RPH3A: variants seen among roughly 807,000 people sequenced by gnomAD.
RPH3A encodes the protein rabphilin 3A, also known as rabphilin-3A.
Under a neutral mutation model 102.2 loss-of-function variants are expected in RPH3A, and 48 were observed. The ratio of observed to expected loss-of-function variants is 0.47; its 90% CI spans 0.37 to 0.60. The LOEUF (loss-of-function observed/expected upper bound fraction) is 0.60, where lower values mean the gene tolerates loss of function less well. RPH3A is among the 20% of genes least tolerant of loss of function. The pLI is 0.00. For synonymous variants in RPH3A, 310 were observed against 324.3 expected (o/e 0.96, Z 0.47); for missense variants, 781 against 910.1 (o/e 0.86, Z 1.83).
chr12:112,612,483 C>T (rs547475913), intron 1 of RPH3A, among the ~76,000 whole-genome samples: 1 of 151,854 alleles, frequency 6.6e-6, no homozygotes, highest in South Asian at 2.1e-4. Context: ...TTTTCTGTCC[C>T]TGGGGTTCCC....
intron 1 of RPH3A, among the ~76,000 whole-genome samples, chr12:112,775,972 A>C (rs2040962957): frequency 6.6e-6 from 1 of 151,746 alleles, no homozygotes; most frequent in South Asian, 2.1e-4. Context: ...ACTGAGTAGA[A>C]GTCAGGGGTG....
Position 112,898,334 on chromosome 12 carries a change from G to A in RPH3A, c.*1554G>A, listed in dbSNP as rs1413717972. ...GTTCGATTTTCCCAATTTTGATGAA[G>A]TCTTCCCTCATGAAAATCACTCCCA... On this transcript the variant is annotated 3_prime_UTR_variant, in exon 22 of 22. Coordinates refer to ENST00000389385, the MANE Select transcript of RPH3A (RefSeq NM_001143854.2). 6.6e-6 allele frequency: 1 copy of A among 152,170 alleles called. No individual in the cohort carries two copies. Among genetic ancestry groups the A allele is most frequent in the East Asian group, 1.9e-4 (1 of 5,200 alleles). 9.4% of individuals were successfully genotyped at this position (152,170 alleles called of 1,614,324 possible). A position where few individuals can be genotyped will look rare whatever the true frequency, so the allele number is the denominator to read the frequency against.
chr12:112,592,157 C>T (rs2039483406), intron 1 of RPH3A, among the ~76,000 whole-genome samples: 1 of 151,978 alleles, frequency 6.6e-6, no homozygotes, highest in African/African-American at 2.4e-5. Flanking sequence ...TGGGTGCATC[C>T]CTTGAGGCCA....
chr12:112,580,272 A>G (rs572204568), intron 1 of RPH3A, among the ~76,000 whole-genome samples: 5 of 150,626 alleles, frequency 3.3e-5, no homozygotes, highest in African/African-American at 9.8e-5. Context: ...CTGTCTTTCT[A>G]TATCTCCCCA....
At chr12:112,840,166 C>T (rs745419436) in intron 4 of RPH3A, among the ~76,000 whole-genome samples, 2 of 151,980 alleles carry the variant, frequency 1.3e-5, no homozygotes, top group African/African-American at 2.4e-5. Flanking sequence ...ATGTTTGTCG[C>T]TTTTTTTCTT....
chr12:112,682,066 A>G (rs564749541), intron 1 of RPH3A, among the ~76,000 whole-genome samples: 1 of 152,318 alleles, frequency 6.6e-6, no homozygotes, highest in African/African-American at 2.4e-5. Context: ...TTAACACATT[A>G]GTTTCTTTTT....
In RPH3A at chr12:112,652,296, T is replaced by A. The variant is rs141038800; in HGVS notation, c.-140+76977T>A. 8.9e-3 allele frequency among the ~76,000 whole-genome samples: 1,357 copies of A among 151,996 alleles called. 21 individuals are homozygous for A. Among genetic ancestry groups the A allele is most frequent in the African/African-American group, 0.031 (1,294 of 41,452 alleles). On this transcript the variant is annotated intron_variant, in intron 1 of 21. Coordinates refer to the RPH3A transcript ENST00000543106. ...TTCGAGACCAGCCTGGGCAACATAGTGAGACTCTGTCTGTACAAAAACATG... is the reference window on the plus strand; with the variant it reads ...TTCGAGACCAGCCTGGGCAACATAGAGAGACTCTGTCTGTACAAAAACATG...
intron 1 of RPH3A, among the ~76,000 whole-genome samples, chr12:112,714,796 G>A (rs574405783): frequency 6.6e-6 from 1 of 152,272 alleles, no homozygotes; most frequent in South Asian, 2.1e-4. Context: ...TGGTTGATTA[G>A]CAATGTCTGC....
chr12:112,763,241 C>T (rs1265053203), intron 1 of RPH3A, among the ~76,000 whole-genome samples: 1 of 152,202 alleles, frequency 6.6e-6, no homozygotes, highest in Non-Finnish European at 1.5e-5. Context: ...TCAATAAATG[C>T]TCACCGAATG....
intron 1 of RPH3A, among the ~76,000 whole-genome samples, chr12:112,731,890 A>G (rs1006251499): frequency 1.3e-5 from 2 of 151,696 alleles, no homozygotes; most frequent in African/African-American, 4.9e-5. Context: ...GAGATGCCCC[A>G]CCTCCCCAAA....
chr12:112,714,688 C>T (rs762219774), intron 1 of RPH3A, among the ~76,000 whole-genome samples: 1 of 152,130 alleles, frequency 6.6e-6, no homozygotes, highest in Non-Finnish European at 1.5e-5. Context: ...AGGGCAGACT[C>T]ATAGGTTTTG....
At chr12:112,712,879 T>TTTTTTCTTC (rs2040472924) in intron 1 of RPH3A, among the ~76,000 whole-genome samples, 1 of 136,746 alleles carries the variant, frequency 7.3e-6, no homozygotes, top group African/African-American at 3.2e-5. Flanking sequence ...CTCACTTTTT[T>TTTTTTCTTC]TTCTTCTTCT....
chr12:112,624,559 A>T (rs2039757850), intron 1 of RPH3A, among the ~76,000 whole-genome samples: 1 of 150,464 alleles, frequency 6.6e-6, no homozygotes, highest in Non-Finnish European at 1.5e-5. Context: ...TTGTGGCAAT[A>T]ATCAATAGTT....
At chr12:112,637,445 G>A (rs2039856498) in intron 1 of RPH3A, among the ~76,000 whole-genome samples, 1 of 152,128 alleles carries the variant, frequency 6.6e-6, no homozygotes, top group Non-Finnish European at 1.5e-5. Flanking sequence ...TTTGTGAGGA[G>A]GACTGGGGAG....
intron 1 of RPH3A, among the ~76,000 whole-genome samples, chr12:112,723,486 T>A (rs1325917114): frequency 1.2e-4 from 19 of 152,230 alleles, no homozygotes; most frequent in Non-Finnish European, 1.5e-5. Flanking sequence ...GCTGCAGACC[T>A]CAATCCAAGA....
At position 112,712,725 on chromosome 12, in the gene RPH3A, T is replaced by C. The variant is rs540046376; in HGVS notation, c.-139-79418T>C. Among the ~76,000 whole-genome samples, 13 of 152,090 alleles carry C rather than the reference T, an allele frequency of 8.5e-5. No individual in the cohort carries two copies. The East Asian group carries it at 2.3e-3, about 27-fold the overall frequency. ...TATTTTGTTTGTTTGTTTTGTTTTG[T>C]TTTTGAGACAGGGTCTCACTCTGTT... is the stretch of plus-strand genomic sequence containing the variant. On this transcript the variant is annotated intron_variant, in intron 1 of 21. Transcript: ENST00000543106.
At chr12:112,580,708 T>C (rs1471636096) in intron 1 of RPH3A, among the ~76,000 whole-genome samples, 2 of 152,092 alleles carry the variant, frequency 1.3e-5, no homozygotes, top group Non-Finnish European at 2.9e-5. Flanking sequence ...GCCTGGCCTG[T>C]CTTGTCTTTT....
chr12:112,827,760 C>T (rs1028053779), intron 2 of RPH3A, among the ~76,000 whole-genome samples: 1 of 151,460 alleles, frequency 6.6e-6, no homozygotes, highest in Non-Finnish European at 1.5e-5. Flanking sequence ...GGGTGGGGGG[C>T]CAGGGGAGGG....
At chr12:112,741,486 T>A (rs1015301898) in intron 1 of RPH3A, among the ~76,000 whole-genome samples, 3 of 152,190 alleles carry the variant, frequency 2.0e-5, no homozygotes, top group African/African-American at 7.2e-5. Flanking sequence ...TAGAGCTGTC[T>A]TTGTTTAGAA....
Sources: allele counts gnomAD v4.1 joint callset (sites outside exome capture counted in the v4.1 genomes callset), GRCh38; gene constraint gnomAD v4.1.1; transcripts MANE v1.5; gene names NCBI Gene and HGNC (gene_info 2026-07-23, HGNC 2026-07-21).